The following DAB1 variants were observed in gnomAD, a reference collection of about 807,000 sequenced individuals.
DAB1 encodes DAB adaptor protein 1, also known as disabled homolog 1.
DAB1 carries 15 observed loss-of-function variants against 64.6 expected under a neutral mutation model. That is an observed-to-expected ratio of 0.23 (90% CI 0.16 to 0.36). The LOEUF (loss-of-function observed/expected upper bound fraction) is 0.36. Ranked by LOEUF, DAB1 falls within the 10% of genes least tolerant of loss-of-function variation. The probability of loss-of-function intolerance (pLI) is 1.00; values close to 1 mark genes in which losing one functional copy is unlikely to be tolerated. For missense variants in DAB1, 596 were observed against 706.7 expected, an observed-to-expected ratio of 0.84 and a Z score of 1.78; for synonymous variants, 235 against 251.9, an observed-to-expected ratio of 0.93 and a Z score of 0.64.
intron 9 of DAB1, among the ~76,000 whole-genome samples, chr1:57,037,534 G>C (rs1300200880): frequency 1.3e-5 from 2 of 152,202 alleles, no homozygotes; most frequent in Non-Finnish European, 2.9e-5. Flanking sequence ...CATTTAGAAG[G>C]CTCAAGAGAA....
At chr1:58,470,143 TA>T (rs1645340981) in intron 3 of DAB1, among the ~76,000 whole-genome samples, 2 of 149,452 alleles carry the variant, frequency 1.3e-5, no homozygotes, top group Non-Finnish European at 3.0e-5. Flanking sequence ...TTTATTTATT[TA>T]TTTATTTATT....
chr1:58,446,304 GAATA>G lies in DAB1; in HGVS notation n.257+59752_257+59755del, dbSNP rs915093145. ...ATATATCTTTCTCTAATAAATGAAT[GAATA>G]AATAAATTTCTCAGTAAATATTAGA... On this transcript the variant is annotated intron_variant and non_coding_transcript_variant, in intron 3 of 20. Transcript: ENST00000485760. Among the ~76,000 whole-genome samples the G allele has an allele frequency of 6.5e-4, 99 of 152,276 alleles. No homozygotes were observed. The Middle Eastern group carries it at 0.017, about 26-fold the overall frequency.
chr1:58,248,282 C>A (rs765401224), intron 4 of DAB1, among the ~76,000 whole-genome samples: 2 of 152,054 alleles, frequency 1.3e-5, no homozygotes, highest in Non-Finnish European at 2.9e-5. Flanking sequence ...GGTGGCACTG[C>A]TGCTGTCACA....
intron 2 of DAB1, among the ~76,000 whole-genome samples, chr1:57,163,768 T>C (rs1486660761): frequency 1.3e-5 from 2 of 151,812 alleles, no homozygotes; most frequent in Admixed American, 6.6e-5. Context: ...TATTTTTAGA[T>C]TGTGGAAGAG....
At chr1:57,488,132 G>A (rs955557642) in intron 7 of DAB1, among the ~76,000 whole-genome samples, 10 of 152,078 alleles carry the variant, frequency 6.6e-5, no homozygotes, top group African/African-American at 1.7e-4. Flanking sequence ...GGCCAGACAC[G>A]GCGGCTCACA....
intron 6 of DAB1, among the ~76,000 whole-genome samples, chr1:57,675,317 A>G (rs1373212118): frequency 6.6e-6 from 1 of 152,246 alleles, no homozygotes; most frequent in Non-Finnish European, 1.5e-5. Flanking sequence ...GGTAGGTTCT[A>G]GAGGTGGACA....
intron 7 of DAB1, among the ~76,000 whole-genome samples, chr1:57,579,043 C>A (rs1240270111): frequency 6.6e-6 from 1 of 152,148 alleles, no homozygotes. Context: ...AGCAGGGGGT[C>A]AGATATGGTC....
chr1:57,824,236 T>C (rs1485331831), downstream of DAB1, among the ~76,000 whole-genome samples: 2 of 152,174 alleles, frequency 1.3e-5, no homozygotes, highest in Non-Finnish European at 1.5e-5. Flanking sequence ...GGTGGTTTGG[T>C]TCCAGCGTCC....
chr1:58,536,654 G>C (rs967618203), intron 1 of DAB1: 1 of 872,698 alleles, frequency 1.1e-6, no homozygotes, highest in Non-Finnish European at 2.0e-6. Context: ...TCAAACCAAG[G>C]AATAGCTTCC....
At chr1:58,319,546 C>T (rs552948082) in intron 4 of DAB1, among the ~76,000 whole-genome samples, 12 of 152,302 alleles carry the variant, frequency 7.9e-5, no homozygotes, top group Admixed American at 7.8e-4. Context: ...TTCCTTTATT[C>T]TTTTCTCTGT....
In DAB1 at chr1:57,936,336, ATGGTT is replaced by A. The variant is rs1268354867; in HGVS notation, n.388-52179_388-52175del. 1.2e-4 allele frequency among the ~76,000 whole-genome samples: 18 copies of A among 152,318 alleles called. No individual in the cohort carries two copies. The East Asian group carries it at 3.5e-3, about 29-fold the overall frequency. On this transcript the variant is annotated intron_variant and non_coding_transcript_variant, in intron 5 of 20. Transcript: ENST00000485760. Reference sequence around the variant, plus strand: ...CCAAGACACCATCAGTTGTTGCCTGATGGTTCCAACCCGTCTTCCTGGTCCTCTTC... The same window carrying A: ...CCAAGACACCATCAGTTGTTGCCTGACCAACCCGTCTTCCTGGTCCTCTTC...
chr1:57,649,459 G>C (rs1646230916), intron 7 of DAB1: 1 of 152,132 alleles, frequency 6.6e-6, no homozygotes, highest in Admixed American at 6.6e-5. Context: ...TGAACCCTCT[G>C]ATATGTTTTA....
intron 4 of DAB1, among the ~76,000 whole-genome samples, chr1:58,270,361 T>C (rs1412621750): frequency 6.9e-6 from 1 of 144,816 alleles, no homozygotes; most frequent in Admixed American, 6.9e-5. Context: ...CTGAGGGCTC[T>C]GTTCTGTTCC....
chr1:57,074,556 C>G (rs781740445), intron 4 of DAB1, among the ~76,000 whole-genome samples: 2 of 152,196 alleles, frequency 1.3e-5, no homozygotes, highest in African/African-American at 4.8e-5. Flanking sequence ...GCAATCTTTC[C>G]AGGCATTTGA....
At chr1:57,186,576 T>A (rs1226064903) in intron 2 of DAB1, among the ~76,000 whole-genome samples, 1 of 152,130 alleles carries the variant, frequency 6.6e-6, no homozygotes, top group African/African-American at 2.4e-5. Flanking sequence ...CATAATTCAA[T>A]AAAGAGGTTG....
intron 7 of DAB1, among the ~76,000 whole-genome samples, chr1:57,476,264 C>A (rs2245012): frequency 0.15 from 22,170 of 149,262 alleles, 3,762 homozygotes; most frequent in African/African-American, 0.42. Flanking sequence ...CAAAAAAAAA[C>A]CAGTATAGTC....
At chr1:57,954,848 C>T (rs1377043932) in intron 5 of DAB1, among the ~76,000 whole-genome samples, 1 of 152,126 alleles carries the variant, frequency 6.6e-6, no homozygotes, top group Non-Finnish European at 1.5e-5. Flanking sequence ...CACCCATTAC[C>T]TCATTTTATC....
At chr1:58,150,067 T>C (rs996305690) in intron 5 of DAB1, among the ~76,000 whole-genome samples, 8 of 152,224 alleles carry the variant, frequency 5.3e-5, no homozygotes, top group African/African-American at 1.9e-4. Flanking sequence ...GTGTTTTAAA[T>C]GTATCATCTC....
At chr1:57,272,493 A>T (rs1671090772) in intron 2 of DAB1, among the ~76,000 whole-genome samples, 1 of 152,198 alleles carries the variant, frequency 6.6e-6, no homozygotes, top group Admixed American at 6.5e-5. Context: ...TTCACTAAAT[A>T]TACACCAAAC....
Sources: gnomAD v4.1 joint callset for allele counts (sites outside exome capture counted in the v4.1 genomes callset) on GRCh38, gnomAD v4.1.1 for gene constraint, MANE v1.5 for transcripts, NCBI Gene and HGNC (gene_info 2026-07-23, HGNC 2026-07-21) for gene names.